Variants in ARHGAP39 observed in about 807,000 individuals in gnomAD.
ARHGAP39 encodes Rho GTPase activating protein 39.
ARHGAP39 carries 44 observed loss-of-function variants against 106.9 expected under a neutral mutation model. The observed-to-expected ratio is 0.41, with a 90% CI of 0.32 to 0.53. ARHGAP39 has a LOEUF of 0.53. ARHGAP39 is among the 20% of genes least tolerant of loss of function. The probability of loss-of-function intolerance (pLI) is 0.21; values close to 1 mark genes in which losing one functional copy is unlikely to be tolerated. For synonymous variants in ARHGAP39, 768 were observed against 693.2 expected, an observed-to-expected ratio of 1.11 and a Z score of -1.69; for missense variants, 1,496 against 1,577.3, an observed-to-expected ratio of 0.95 and a Z score of 0.87.
chr8:144,604,983 G>A lies in ARHGAP39; in HGVS notation c.80+552C>T, dbSNP rs1277023608. 6.6e-6 allele frequency among the ~76,000 whole-genome samples: 1 copy of A among 152,220 alleles called. No homozygotes were observed. The highest frequency in any genetic ancestry group is 1.5e-5 in the Non-Finnish European group (1 of 68,044). On this transcript the variant is annotated intron_variant, in intron 2 of 11. Coordinates refer to ENST00000377307, the MANE Select transcript of ARHGAP39 (RefSeq NM_025251.3). The surrounding 1 kb of genome is among the most constrained non-coding windows in gnomAD (Gnocchi z 4.1). ...TCCAAATAAAAGCCTAGAAATCAGG[G>A]CAGAGCAGTGGCTCACGTCTGTGAT...
chr8:144,607,030 GAGATA>G (rs1378991974), intron 1 of ARHGAP39, among the ~76,000 whole-genome samples: 8 of 151,008 alleles, frequency 5.3e-5, no homozygotes, highest in African/African-American at 1.2e-4. Context: ...TCCTAAGTGG[GAGATA>G]TTTGCTACAG....
chr8:144,637,697 ATC>A (rs779012200), intron 1 of ARHGAP39, among the ~76,000 whole-genome samples: 18 of 150,992 alleles, frequency 1.2e-4, no homozygotes, highest in South Asian at 6.3e-4. Flanking sequence ...TTCTTTTTGC[ATC>A]TCTCTCTCTC....
intron 10 of ARHGAP39, 96 bp downstream of exon 10, chr8:144,532,209 C>A: frequency 1.0e-6 from 1 of 998,070 alleles, no homozygotes; most frequent in Non-Finnish European, 1.5e-6. Flanking sequence ...CATCACTGGG[C>A]AGGATCAGGG....
chr8:144,545,131 C>G, intron 6 of ARHGAP39, 118 bp downstream of exon 6: 3 of 979,742 alleles, frequency 3.1e-6, no homozygotes, highest in East Asian at 5.6e-5. Flanking sequence ...AGGTGTGTGT[C>G]GAACCATGGC....
At chr8:144,678,843 G>A (rs1822310662) in intron 1 of ARHGAP39, among the ~76,000 whole-genome samples, 1 of 152,190 alleles carries the variant, frequency 6.6e-6, no homozygotes, top group South Asian at 2.1e-4. Context: ...TATATCATCT[G>A]AGCAGCTATG....
At chr8:144,621,056 A>T in intron 1 of ARHGAP39, among the ~76,000 whole-genome samples, 1 of 152,260 alleles carries the variant, frequency 6.6e-6, no homozygotes, top group Non-Finnish European at 1.5e-5. Flanking sequence ...CCAGAGCCCC[A>T]GTTGGCAGCT....
intron 1 of ARHGAP39, among the ~76,000 whole-genome samples, chr8:144,621,426 A>G (rs1820804317): frequency 6.6e-6 from 1 of 152,252 alleles, no homozygotes; most frequent in South Asian, 2.1e-4. Flanking sequence ...CCATGGCTTC[A>G]TATCAACACG....
At chr8:144,545,893 T>A (rs1817399658) in intron 5 of ARHGAP39, 83 bp from the exon 6 acceptor site, 3 of 1,301,308 alleles carry the variant, frequency 2.3e-6, no homozygotes, top group Non-Finnish European at 3.1e-6. Context: ...TCCCCAGAAG[T>A]GTGAGCTGGG....
At chr8:144,602,966 C>T (rs1425345288) in intron 2 of ARHGAP39, among the ~76,000 whole-genome samples, 324 of 95,362 alleles carry the variant, frequency 3.4e-3, no homozygotes, top group African/African-American at 0.016. Context: ...TGGAGGCGTG[C>T]GTGCGAGCTC....
Position 144,529,223 on chromosome 8 carries a change from G to A in ARHGAP39, c.*1199C>T, listed in dbSNP as rs1443329486. 3.7e-6 allele frequency: 1 copy of A among 272,988 alleles called. No homozygotes were observed. 16.9% of individuals were successfully genotyped at this position (272,988 alleles called of 1,614,324 possible). A position where few individuals can be genotyped will look rare whatever the true frequency, so the allele number is the denominator to read the frequency against. On this transcript the variant is annotated 3_prime_UTR_variant, in exon 12 of 12. Coordinates refer to ENST00000377307, the MANE Select transcript of ARHGAP39 (RefSeq NM_025251.3). Reference sequence around the variant, plus strand: ...ATTCACTCGTGTCGTCGCCTCTCGGGTCCATGCGTCGGGGCGAGCGTCTCA... The same window carrying A: ...ATTCACTCGTGTCGTCGCCTCTCGGATCCATGCGTCGGGGCGAGCGTCTCA...
chr8:144,700,172 C>A, the ARHGAP39 span, among the ~76,000 whole-genome samples: 504 of 152,324 alleles, frequency 3.3e-3, 3 homozygotes, highest in Non-Finnish European at 4.2e-3. The surrounding 1 kb of genome is among the most constrained non-coding windows in gnomAD (Gnocchi z 5.6). Context: ...CAGTCTCCCC[C>A]CTGGAGATCC....
chr8:144,536,151 C>T (rs1816944438), intron 7 of ARHGAP39, among the ~76,000 whole-genome samples: 1 of 152,190 alleles, frequency 6.6e-6, no homozygotes, highest in African/African-American at 2.4e-5. Flanking sequence ...CTGCCCTGAT[C>T]CGGCCTTGCC....
At chr8:144,581,350 C>G (rs1818984006) in intron 2 of ARHGAP39, 73 bp from the exon 3 acceptor site, 1 of 1,418,326 alleles carries the variant, frequency 7.1e-7, no homozygotes, top group Non-Finnish European at 9.5e-7. Context: ...CTGCAGACCC[C>G]GGCTCCAGCC....
chr8:144,605,795 G>A (rs1820268851), intron 1 of ARHGAP39, 100 bp from the exon 2 acceptor site: 2 of 656,334 alleles, frequency 3.0e-6, no homozygotes, highest in African/African-American at 1.8e-5. Context: ...GCAGGATGAC[G>A]ATGGACTCCA....
chr8:144,670,500 G>A lies in ARHGAP39; in HGVS notation c.-82+15186C>T, dbSNP rs552163131. ...CCTGTCAGTCTCCTTGATGTGCTCC[G>A]GACATAAAAGCCTGGGCAAGGCTTC... On this transcript the variant is annotated intron_variant, in intron 1 of 11. Coordinates refer to ENST00000377307, the MANE Select transcript of ARHGAP39 (RefSeq NM_025251.3). The surrounding 1 kb of genome is among the most constrained non-coding windows in gnomAD (Gnocchi z 4.4). 3.3e-5 allele frequency among the ~76,000 whole-genome samples: 5 copies of A among 152,230 alleles called. No individual in the cohort carries two copies. Among genetic ancestry groups the A allele is most frequent in the South Asian group, 2.1e-4 (1 of 4,820 alleles).
In ARHGAP39 at chr8:144,679,413, GC is replaced by G. The variant is rs1216346099; in HGVS notation, c.-82+6272del. Among the ~76,000 whole-genome samples the G allele has an allele frequency of 1.3e-5, 2 of 152,190 alleles. No homozygotes were observed. The highest frequency in any genetic ancestry group is 2.9e-5 in the Non-Finnish European group (2 of 68,032). On this transcript the variant is annotated intron_variant, in intron 1 of 11. Transcript: ENST00000377307. This position sits in a 1 kb window ranked among gnomAD's most constrained non-coding sequence, Gnocchi z 4.7. The stretch of plus-strand genomic sequence containing the variant: ...ATAAAAACAGCATGTGCCACATAAG[GC>G]CTGGTCCTGGATCTGGAAATGAAGA...
At chr8:144,600,259 C>A (rs561334670) in intron 2 of ARHGAP39, among the ~76,000 whole-genome samples, 1 of 125,230 alleles carries the variant, frequency 8.0e-6, no homozygotes, top group Non-Finnish European at 1.6e-5. Context: ...TGTGCGTGTG[C>A]GTGGGGGTGT....
chr8:144,588,957 G>GT (rs1196704885), intron 2 of ARHGAP39, among the ~76,000 whole-genome samples: 3 of 152,254 alleles, frequency 2.0e-5, no homozygotes, highest in Non-Finnish European at 4.4e-5. Flanking sequence ...CCAGAAGAGG[G>GT]TAAGTCCACA....
chr8:144,640,014 G>C (rs1821271073), intron 1 of ARHGAP39, among the ~76,000 whole-genome samples: 1 of 152,156 alleles, frequency 6.6e-6, no homozygotes, highest in Non-Finnish European at 1.5e-5. Flanking sequence ...TTCAGGAATG[G>C]GTTACGGATG....
Sources: gnomAD v4.1 joint callset for allele counts (sites outside exome capture counted in the v4.1 genomes callset) on GRCh38, gnomAD v4.1.1 for gene constraint, Gnocchi (gnomAD v3.1) non-coding constraint, MANE v1.5 for transcripts, NCBI Gene and HGNC (gene_info 2026-07-23, HGNC 2026-07-21) for gene names.